The following SASH3 variants were observed in gnomAD, a reference collection of about 807,000 sequenced individuals.
The protein encoded by SASH3 is SAM and SH3 domain containing 3.
In SASH3, 7 loss-of-function variants were observed where a neutral mutation model predicts 26.1. That is an observed-to-expected ratio of 0.27 (90% CI 0.15 to 0.50). The LOEUF (loss-of-function observed/expected upper bound fraction) is 0.50. SASH3 is among the 20% of genes least tolerant of loss of function. The probability of loss-of-function intolerance (pLI) is 0.98; values close to 1 mark genes in which losing one functional copy is unlikely to be tolerated. For synonymous variants in SASH3, 138 were observed against 136.8 expected (o/e 1.01, Z -0.06); for missense variants, 231 against 318.3 (o/e 0.73, Z 2.09).
chrX:129,782,443 C>T (rs973171350), intron 1 of SASH3, among the ~76,000 whole-genome samples: 6 of 112,169 alleles, frequency 5.3e-5, no homozygotes, highest in Admixed American at 3.8e-4. Flanking sequence ...ATGCCAGGCA[C>T]GGTGCTGTGC....
At position 129,792,585 on chromosome X, in the gene SASH3, C is replaced by A. The variant is rs201256658; in HGVS notation, c.592-42C>A. 1.4e-5 allele frequency: 17 copies of A among 1,196,048 alleles called. No individual in the cohort carries two copies. In the East Asian group the frequency reaches 4.4e-4, roughly 31 times the overall value. On this transcript the variant is annotated intron_variant, in intron 5 of 7. Coordinates refer to ENST00000356892, the MANE Select transcript of SASH3 (RefSeq NM_018990.4). ...CAGTGGAGGCCAAGGCCCCCCATAT[C>A]CTCTCTCCCTTGCTCCCTTCTCCTC... is the stretch of plus-strand genomic sequence containing the variant.
In SASH3 at chrX:129,780,075, G is replaced by A. The variant is rs376562479; in HGVS notation, c.-23G>A. On this transcript the variant is annotated 5_prime_UTR_variant, in exon 1 of 8. Transcript: ENST00000356892. ...TCTTGACACCTAGGAGAGCAGGGAC[G>A]GAGTCTCCCAGGGTGGAGGACCATG... 133 of 1,204,404 alleles carry A rather than the reference G, an allele frequency of 1.1e-4. No homozygotes were observed. The highest frequency in any genetic ancestry group is 1.4e-4 in the Non-Finnish European group (125 of 890,296).
At chrX:129,793,262 G>T in intron 7 of SASH3, 123 bp downstream of exon 7, 1 of 775,345 alleles carries the variant, frequency 1.3e-6, no homozygotes, top group Non-Finnish European at 1.9e-6. Flanking sequence ...CAGTGGAAAG[G>T]TACTTTCCAC....
chrX:129,791,742 C>T (rs1041485529), intron 4 of SASH3, among the ~76,000 whole-genome samples: 5 of 112,449 alleles, frequency 4.4e-5, no homozygotes, highest in African/African-American at 1.6e-4. Flanking sequence ...CACTTCCCTG[C>T]CCCCGACTGA....
At chrX:129,785,868 C>T (rs1259587938) in intron 1 of SASH3, among the ~76,000 whole-genome samples, 1 of 112,619 alleles carries the variant, frequency 8.9e-6, no homozygotes, top group Non-Finnish European at 1.9e-5. Flanking sequence ...AGCCCGATGC[C>T]CACCCTCTCT....
intron 1 of SASH3, among the ~76,000 whole-genome samples, chrX:129,785,029 TCAA>T (rs1026652840): frequency 4.6e-5 from 5 of 109,508 alleles, no homozygotes; most frequent in African/African-American, 6.7e-5. Context: ...ACATATATAC[TCAA>T]CAATATATAT....
chrX:129,785,043 T>G (rs1344604946), intron 1 of SASH3, among the ~76,000 whole-genome samples: 2 of 109,578 alleles, frequency 1.8e-5, no homozygotes, highest in African/African-American at 6.7e-5. Flanking sequence ...CAATATATAT[T>G]TCAATATATA....
At position 129,794,234 on chromosome X, in the gene SASH3, G is replaced by A. The variant is rs1927292131; in HGVS notation, c.*402G>A. On this transcript the variant is annotated 3_prime_UTR_variant, in exon 8 of 8. Coordinates refer to ENST00000356892, the MANE Select transcript of SASH3 (RefSeq NM_018990.4). ...CCTGTCGCACTGCTCCTGAAAAGGGGGCCAAGTCAATGTTTCAGGTCAGTC... is the reference window on the plus strand; with the variant it reads ...CCTGTCGCACTGCTCCTGAAAAGGGAGCCAAGTCAATGTTTCAGGTCAGTC... 5.8e-6 allele frequency: 1 copy of A among 173,693 alleles called. No individual in the cohort carries two copies. The highest frequency in any genetic ancestry group is 3.0e-5 in the African/African-American group (1 of 33,879). The allele number at this position is 173,693 out of a possible 1,213,427, so 14.3% of individuals were successfully genotyped here. A position where few individuals can be genotyped will look rare whatever the true frequency, so the allele number is the denominator to read the frequency against.
chrX:129,789,312 G>A (rs192595410), intron 3 of SASH3, among the ~76,000 whole-genome samples: 3 of 109,952 alleles, frequency 2.7e-5, no homozygotes, highest in African/African-American at 1.0e-4. Flanking sequence ...GGATTGGGAA[G>A]GCCTATTTTC....
chrX:129,789,302 G>C (rs748483390), intron 3 of SASH3, among the ~76,000 whole-genome samples: 99 of 109,910 alleles, frequency 9.0e-4, no homozygotes, highest in African/African-American at 3.2e-3. Flanking sequence ...AACTTCCCCG[G>C]GATTGGGAAG....
intron 4 of SASH3, 111 bp downstream of exon 4, chrX:129,791,192 C>G (rs920447889): frequency 1.3e-6 from 1 of 787,660 alleles, no homozygotes; most frequent in Non-Finnish European, 1.8e-6. Flanking sequence ...AATGCTTACT[C>G]TTTGCCTGCT....
rs1234707093 is a variant in SASH3 at position 129,787,959 on chromosome X, C to T, written c.58-16C>T. Reference sequence around the variant, plus strand: ...GCCATTTAGCCCACTGATTGCAACACCCACCCTTTTTCCAGCTCTCCCTTC... The same window carrying T: ...GCCATTTAGCCCACTGATTGCAACATCCACCCTTTTTCCAGCTCTCCCTTC... On this transcript the variant is annotated splice_polypyrimidine_tract_variant and intron_variant, in intron 1 of 7. Transcript: ENST00000356892. 8.4e-7 allele frequency: 1 copy of T among 1,196,737 alleles called. No individual in the cohort carries two copies. The highest frequency in any genetic ancestry group is 2.2e-5 in the Admixed American group (1 of 45,841).
rs778508257 is a variant in SASH3 at position 129,793,687 on chromosome X, C to T, written c.998C>T (p.Pro333Leu). 12 of 1,211,053 alleles carry T rather than the reference C, an allele frequency of 9.9e-6. No homozygotes were observed. The Admixed American group carries it at 2.4e-4, about 24-fold the overall frequency. ...GAGGGCGCCGAGAGCAGCCAGGAGC[C>T]AGTGGCACACACAGTGTCGGAACCC... The part of the protein sequence containing the change: ...AEEGAESSQE[P>L]VAHTVSEPKV... The change falls in exon 8 of 8, where the codon CCA (proline) becomes CTA (leucine). Residue 333 changes from proline (P) to leucine (L), a missense_variant. By Grantham distance (98) the Pro-to-Leu change is moderately conservative. Transcript: ENST00000356892.
chrX:129,782,856 C>T (rs1232984240), intron 1 of SASH3, among the ~76,000 whole-genome samples: 2 of 111,628 alleles, frequency 1.8e-5, no homozygotes, highest in African/African-American at 6.5e-5. Flanking sequence ...TTGGAGAGGC[C>T]CCAGGGTTGG....
intron 1 of SASH3, 61 bp downstream of exon 1, chrX:129,780,215 C>A: frequency 9.3e-7 from 1 of 1,075,990 alleles, no homozygotes; most frequent in Non-Finnish European, 1.3e-6. Context: ...CCATCCCTTC[C>A]AAGACTCTTG....
At chrX:129,792,273 T>G (rs977043267) in intron 4 of SASH3, 55 bp from the exon 5 acceptor site, 1 of 1,150,665 alleles carries the variant, frequency 8.7e-7, no homozygotes, top group Non-Finnish European at 1.2e-6. Context: ...TGCTAGGCAC[T>G]GTCTCAGCTG....
At chrX:129,792,025 G>A (rs1482086021) in intron 4 of SASH3, among the ~76,000 whole-genome samples, 1 of 111,796 alleles carries the variant, frequency 8.9e-6, no homozygotes, top group Non-Finnish European at 1.9e-5. Flanking sequence ...TCATTGGAGT[G>A]TTGGCCCAGT....
intron 3 of SASH3, among the ~76,000 whole-genome samples, chrX:129,789,858 C>T (rs1927200273): frequency 9.0e-6 from 1 of 111,592 alleles, no homozygotes; most frequent in African/African-American, 3.3e-5. Flanking sequence ...GTCAAACTGT[C>T]AAAAATTGTG....
Position 129,793,094 on chromosome X carries a change from C to G in SASH3, c.907C>G (p.Arg303Gly). 8.3e-7 allele frequency: 1 copy of G among 1,211,512 alleles called. No individual in the cohort carries two copies. Reference sequence around the variant, plus strand: ...GCTGAACATCATGGATCCACAGCACCGGGCCAAGCTGCTCACGGCCGCCGA... The same window carrying G: ...GCTGAACATCATGGATCCACAGCACGGGGCCAAGCTGCTCACGGCCGCCGA... ...NELNIMDPQH[R>G]AKLLTAAELL... Residue 303 changes from arginine (R) to glycine (G), a missense_variant, in exon 7 of 8, where the codon CGG becomes GGG. Physicochemically the swap from Arg to Gly is moderately radical, Grantham distance 125 (BLOSUM62 -2). Coordinates refer to ENST00000356892, the MANE Select transcript of SASH3 (RefSeq NM_018990.4).
Sources: gnomAD v4.1 joint callset for allele counts (sites outside exome capture counted in the v4.1 genomes callset) on GRCh38, gnomAD v4.1.1 for gene constraint, MANE v1.5 for transcripts, NCBI Gene and HGNC (gene_info 2026-07-23, HGNC 2026-07-21) for gene names.